The following APOBEC3C variants were observed in gnomAD, a reference collection of about 807,000 sequenced individuals.
APOBEC3C encodes the protein apolipoprotein B mRNA editing enzyme catalytic subunit 3C.
Under a neutral mutation model 20.6 loss-of-function variants are expected in APOBEC3C, and 14 were observed. The observed-to-expected ratio is 0.68, with a 90% CI of 0.45 to 1.06. The LOEUF (loss-of-function observed/expected upper bound fraction) is 1.06, where lower values mean the gene tolerates loss of function less well. APOBEC3C is among the 50% of genes least tolerant of loss of function. APOBEC3C has a pLI of 0.00. For synonymous variants in APOBEC3C, 98 were observed against 88.8 expected (o/e 1.10, Z -0.58); for missense variants, 244 against 241.9 (o/e 1.01, Z -0.06).
Position 39,015,721 on chromosome 22 carries a change from C to G in APOBEC3C, c.144C>G (p.Val48=). Reference sequence around the variant, plus strand: ...AAGGTATAAAGCGCCGCTCAGTTGTCTCCTGGAAGACGGGCGTCTTCCGAA... The same window carrying G: ...AAGGTATAAAGCGCCGCTCAGTTGTGTCCTGGAAGACGGGCGTCTTCCGAA... The part of the protein sequence containing the change: ...TVEGIKRRSV[V]SWKTGVFRNQ... The change falls in exon 2 of 4, where the codon GTC becomes GTG. Residue 48 remains valine (V), a synonymous_variant. Coordinates refer to ENST00000361441, the MANE Select transcript of APOBEC3C (RefSeq NM_014508.3). 1 of 1,614,046 alleles carries G rather than the reference C, an allele frequency of 6.2e-7. No individual in the cohort carries two copies. The highest frequency in any genetic ancestry group is 1.3e-5 in the African/African-American group (1 of 75,010).
chr22:39,015,601 G>A lies in APOBEC3C; in HGVS notation c.24G>A (p.Pro8=), dbSNP rs544167247. 212 of 1,613,686 alleles carry A rather than the reference G, an allele frequency of 1.3e-4. No homozygotes were observed. The highest frequency in any genetic ancestry group is 1.8e-4 in the Admixed American group (11 of 59,948). ...TTCTCTCTTGTGCCTTCAGAAACCC[G>A]ATGAAGGCAATGTATCCAGGCACAT... MNPQIRN[P]MKAMYPGTFY... The change falls in exon 2 of 4, where the codon CCG becomes CCA. Residue 8 remains proline (P), a synonymous_variant. Transcript: ENST00000361441.
At chr22:39,018,190 C>A (rs1924871895) in intron 3 of APOBEC3C, 79 bp from the exon 4 acceptor site, 1 of 1,572,958 alleles carries the variant, frequency 6.4e-7, no homozygotes, top group Admixed American at 1.8e-5. Flanking sequence ...AGCCTGGATA[C>A]CTGGGCTGGG....
At position 39,018,439 on chromosome 22, in the gene APOBEC3C, G is replaced by A; in HGVS notation, c.*52G>A. On this transcript the variant is annotated 3_prime_UTR_variant, in exon 4 of 4. Coordinates refer to ENST00000361441, the MANE Select transcript of APOBEC3C (RefSeq NM_014508.3). ...TCTCCTCTAGCCTCCTGCTCATGCT[G>A]CACGGGCCTCCCCTCCACCCTGGAC... The A allele has an allele frequency of 3.8e-6, 6 of 1,586,872 alleles. No homozygotes were observed. Among genetic ancestry groups the A allele is most frequent in the Non-Finnish European group, 5.2e-6 (6 of 1,163,028 alleles).
chr22:39,017,694 C>A, intron 2 of APOBEC3C, 72 bp from the exon 3 acceptor site: 1 of 1,556,240 alleles, frequency 6.4e-7, no homozygotes, highest in East Asian at 2.3e-5. Context: ...CCCTCTGCTC[C>A]CATCGCCCCA....
rs1924941186 is a variant in APOBEC3C at position 39,019,528 on chromosome 22, G to A, written c.*1141G>A. ...AATTTGATTTGACATTTTCAAAGCA[G>A]ATGTAAGTTTTAGAGAATGAGATTC... On this transcript the variant is annotated 3_prime_UTR_variant, in exon 4 of 4. Coordinates refer to ENST00000361441, the MANE Select transcript of APOBEC3C (RefSeq NM_014508.3). 1.3e-5 allele frequency: 2 copies of A among 152,214 alleles called. No individual in the cohort carries two copies. 9.4% of individuals were successfully genotyped at this position (152,214 alleles called of 1,614,324 possible).
rs1448043788 is a variant in APOBEC3C, at chr22:39,014,275, C to G, written c.-88C>G. The G allele has an allele frequency of 6.4e-7, 1 of 1,561,118 alleles. No homozygotes were observed. Among genetic ancestry groups the G allele is most frequent in the Non-Finnish European group, 8.8e-7 (1 of 1,132,174 alleles). On this transcript the variant is annotated 5_prime_UTR_variant, in exon 1 of 4. Transcript: ENST00000361441. ...GGAGGTCACTTTAAAGAGGGCTGCT[C>G]AACTGCAAGGACGCTGTAAGCAGGA...
intron 2 of APOBEC3C, among the ~76,000 whole-genome samples, chr22:39,016,190 ATTAT>A (rs3043484): frequency 2.1e-5 from 3 of 141,410 alleles, no homozygotes; most frequent in Non-Finnish European, 3.0e-5. Context: ...TCCTCCCCAC[ATTAT>A]TTATTTATTT....
At position 39,018,286 on chromosome 22, in the gene APOBEC3C, G is replaced by A. The variant is rs1199958708; in HGVS notation, c.472G>A (p.Glu158Lys). ...MDYEDFKYCWENFVYNDNEPF... is the reference protein window; with the variant it reads ...MDYEDFKYCWKNFVYNDNEPF... ...TTTCTCAGATTTTAAATATTGTTGG[G>A]AAAACTTTGTGTACAATGATAATGA... is the stretch of plus-strand genomic sequence containing the variant. The change falls in exon 4 of 4, where the codon GAA (glutamate) becomes AAA (lysine). Residue 158 changes from glutamate (E) to lysine (K), a missense_variant. Transcript: ENST00000361441. The A allele has an allele frequency of 6.2e-7, 1 of 1,613,554 alleles. No homozygotes were observed. The highest frequency in any genetic ancestry group is 8.5e-7 in the Non-Finnish European group (1 of 1,179,858).
intron 2 of APOBEC3C, among the ~76,000 whole-genome samples, chr22:39,016,477 A>T (rs539959056): frequency 6.7e-6 from 1 of 148,390 alleles, no homozygotes; most frequent in South Asian, 2.1e-4. Flanking sequence ...TTGGCCTCCC[A>T]AAGTGCTGGG....
intron 2 of APOBEC3C, among the ~76,000 whole-genome samples, chr22:39,016,205 A>ATTTATTTATTTATTTATTTATTTATTTC (rs1924777062): frequency 1.4e-5 from 2 of 144,816 alleles, no homozygotes; most frequent in Admixed American, 1.4e-4. Context: ...TTATTTATTT[A>ATTTATTTATTTATTTATTTATTTATTTC]TTTATTTATT....
At position 39,020,218 on chromosome 22, in the gene APOBEC3C, GCTC is replaced by G. The variant is rs1245406425; in HGVS notation, c.*1834_*1836del. The G allele has an allele frequency of 6.6e-6, 1 of 152,244 alleles. No homozygotes were observed. The highest frequency in any genetic ancestry group is 2.4e-5 in the African/African-American group (1 of 41,460). The allele number at this position is 152,244 out of a possible 1,614,324, so 9.4% of individuals were successfully genotyped here. On this transcript the variant is annotated 3_prime_UTR_variant, in exon 4 of 4. Coordinates refer to ENST00000361441, the MANE Select transcript of APOBEC3C (RefSeq NM_014508.3). Reference sequence around the variant, plus strand: ...GTTTAGCCAACCTCTTCAGCATAAAGCTCCTGCCCAAACCCCTCCTGCTCCTAA... The same window carrying G: ...GTTTAGCCAACCTCTTCAGCATAAAGCTGCCCAAACCCCTCCTGCTCCTAA...
rs1430386727 is a variant in APOBEC3C at position 39,017,858 on chromosome 22, C to G, written c.267C>G (p.Thr89=). 17 of 1,614,042 alleles carry G rather than the reference C, an allele frequency of 1.1e-5. No homozygotes were observed. Among genetic ancestry groups the G allele is most frequent in the Admixed American group, 8.3e-5 (5 of 60,006 alleles). Residue 89 remains threonine (T), a synonymous_variant, in exon 3 of 4, where the codon ACC becomes ACG. Coordinates refer to ENST00000361441, the MANE Select transcript of APOBEC3C (RefSeq NM_014508.3). ...ILSPNTKYQV[T]WYTSWSPCPD... is the part of the protein sequence containing the mutation. Reference sequence around the variant, plus strand: ...CTCCTAACACAAAGTACCAGGTCACCTGGTACACATCTTGGAGCCCTTGCC... The same window carrying G: ...CTCCTAACACAAAGTACCAGGTCACGTGGTACACATCTTGGAGCCCTTGCC...
chr22:39,017,446 T>C (rs1055553068), intron 2 of APOBEC3C, among the ~76,000 whole-genome samples: 2 of 152,110 alleles, frequency 1.3e-5, no homozygotes, highest in Admixed American at 1.3e-4. Flanking sequence ...AAGATCAGCC[T>C]GGGCAACATG....
chr22:39,018,128 C>T, intron 3 of APOBEC3C, 83 bp downstream of exon 3: 1 of 1,581,772 alleles, frequency 6.3e-7, no homozygotes, highest in South Asian at 1.2e-5. Flanking sequence ...TGGGGCGGGT[C>T]AGTGTCCCCT....
rs1423772100 is a variant in APOBEC3C, at chr22:39,015,763, G to A, written c.174+12G>A. ...TCTTCCGAAACCAGGTAGCACCAAA[G>A]TCCTAGTTACACCCTAAATAGGAGC... On this transcript the variant is annotated intron_variant, in intron 2 of 3. Transcript: ENST00000361441. 6.2e-7 allele frequency: 1 copy of A among 1,611,834 alleles called. No homozygotes were observed. The highest frequency in any genetic ancestry group is 8.5e-7 in the Non-Finnish European group (1 of 1,179,136).
chr22:39,015,160 G>T (rs1228038644), intron 1 of APOBEC3C, among the ~76,000 whole-genome samples: 1 of 152,042 alleles, frequency 6.6e-6, no homozygotes, highest in East Asian at 1.9e-4. Flanking sequence ...TTAGCCAGGG[G>T]TGCTGGCGGG....
intron 1 of APOBEC3C, 27 bp from the exon 2 acceptor site, chr22:39,015,568 A>C (rs375901753): frequency 6.2e-6 from 10 of 1,611,284 alleles, no homozygotes. Flanking sequence ...GGGTCTCTGC[A>C]TTGGGGTTTC....
At position 39,017,216 on chromosome 22, in the gene APOBEC3C, A is replaced by G. The variant is rs1240538649; in HGVS notation, c.175-550A>G. 3.3e-5 allele frequency among the ~76,000 whole-genome samples: 5 copies of G among 152,294 alleles called. No individual in the cohort carries two copies. In the East Asian group the frequency reaches 9.6e-4, roughly 29 times the overall value. Reference sequence around the variant, plus strand: ...CACTGCACTCCAGCCTTGGCGACAGAGCAAGACTCCATCTTTGAAAAAAAT... The same window carrying G: ...CACTGCACTCCAGCCTTGGCGACAGGGCAAGACTCCATCTTTGAAAAAAAT... On this transcript the variant is annotated intron_variant, in intron 2 of 3. Transcript: ENST00000361441.
intron 2 of APOBEC3C, among the ~76,000 whole-genome samples, chr22:39,017,145 T>G (rs1924811336): frequency 6.6e-6 from 1 of 151,920 alleles, no homozygotes; most frequent in Admixed American, 6.6e-5. Flanking sequence ...GGCAGGAGAA[T>G]TGCTTGAACC....
Sources: gnomAD v4.1 joint callset for allele counts (sites outside exome capture counted in the v4.1 genomes callset) on GRCh38, gnomAD v4.1.1 for gene constraint, MANE v1.5 for transcripts, NCBI Gene and HGNC (gene_info 2026-07-23, HGNC 2026-07-21) for gene names.